The following SLC14A2 variants were observed in gnomAD, a reference collection of about 807,000 sequenced individuals.
The protein encoded by SLC14A2 is urea transporter 2.
SLC14A2 carries 91 observed loss-of-function variants against 104.6 expected under a neutral mutation model. That is an observed-to-expected ratio of 0.87 (90% confidence interval 0.73 to 1.04). The LOEUF is 1.04. Ranked by LOEUF, SLC14A2 falls within the 50% of genes least tolerant of loss-of-function variation. The pLI, the probability that SLC14A2 is intolerant of heterozygous loss-of-function variation, is 0.00. For synonymous variants in SLC14A2, 476 were observed against 466.4 expected, an observed-to-expected ratio of 1.02 and a Z score of -0.27; for missense variants, 1,189 against 1,156.0, an observed-to-expected ratio of 1.03 and a Z score of -0.41.
chr18:45,580,967 G>A (rs1234024745), intron 2 of SLC14A2, among the ~76,000 whole-genome samples: 1 of 151,714 alleles, frequency 6.6e-6, no homozygotes, highest in Non-Finnish European at 1.5e-5. Flanking sequence ...GAGGCAGGAG[G>A]CACAGTTGTT....
At chr18:45,175,697 C>CCCGTCTCATATTGTGGAATATTGTGGAAT in the SLC14A2 span, among the ~76,000 whole-genome samples, 1 of 152,132 alleles carries the variant, frequency 6.6e-6, no homozygotes, top group Non-Finnish European at 1.5e-5. Context: ...CGGGTTACAA[C>CCCGTCTCATATTGTGGAATATTGTGGAAT]ATTGTGGAAT....
At chr18:45,489,936 G>A (rs2144724871) in intron 2 of SLC14A2, 1 of 152,302 alleles carries the variant, frequency 6.6e-6, no homozygotes, top group South Asian at 2.1e-4. Context: ...AGGCAAAGCA[G>A]ACCTGACAGG....
intron 1 of SLC14A2, among the ~76,000 whole-genome samples, chr18:45,439,107 A>T (rs1321018583): frequency 6.6e-6 from 1 of 152,228 alleles, no homozygotes; most frequent in Non-Finnish European, 1.5e-5. Context: ...CAATATGGCC[A>T]GGTGCCATCT....
intron 2 of SLC14A2, among the ~76,000 whole-genome samples, chr18:45,488,449 G>T (rs1176624456): frequency 6.6e-6 from 1 of 152,162 alleles, no homozygotes; most frequent in Non-Finnish European, 1.5e-5. Context: ...GGTACTGGTG[G>T]TCAAAAGAGT....
intron 1 of SLC14A2, among the ~76,000 whole-genome samples, chr18:45,225,385 G>A (rs12150823): frequency 0.11 from 17,164 of 152,078 alleles, 978 homozygotes; most frequent in Non-Finnish European, 0.12. Context: ...TGCTGTTTTG[G>A]TTACTGTAGC....
chr18:45,320,843 C>A (rs1599672431), intron 1 of SLC14A2, among the ~76,000 whole-genome samples: 1 of 152,218 alleles, frequency 6.6e-6, no homozygotes, highest in East Asian at 1.9e-4. Flanking sequence ...AACACCCACT[C>A]CTTTTCCAGA....
chr18:45,666,101 GT>G, intron 11 of SLC14A2, 35 bp from the exon 12 acceptor site: 1 of 1,467,680 alleles, frequency 6.8e-7, no homozygotes, highest in Non-Finnish European at 9.6e-7. Flanking sequence ...GAGTAGAGGT[GT>G]CCTAACTGAT....
chr18:45,438,034 A>C (rs1461469486), intron 1 of SLC14A2: 1 of 152,190 alleles, frequency 6.6e-6, no homozygotes, highest in Non-Finnish European at 1.5e-5. Context: ...CTTACTATAT[A>C]TGAGGGTCTG....
At chr18:45,350,210 T>C (rs780839042) in intron 1 of SLC14A2, among the ~76,000 whole-genome samples, 3 of 152,166 alleles carry the variant, frequency 2.0e-5, no homozygotes, top group Non-Finnish European at 4.4e-5. Flanking sequence ...GAGAAACAGA[T>C]TTAGAGTGTT....
At chr18:45,645,845 T>G (rs569548518) in intron 10 of SLC14A2, among the ~76,000 whole-genome samples, 42 of 152,096 alleles carry the variant, frequency 2.8e-4, no homozygotes, top group Non-Finnish European at 5.9e-4. Context: ...GTCCACAAGC[T>G]GTATTTTGCA....
At chr18:45,577,202 A>C (rs2044428943) in intron 2 of SLC14A2, among the ~76,000 whole-genome samples, 1 of 110,592 alleles carries the variant, frequency 9.0e-6, no homozygotes, top group Non-Finnish European at 2.0e-5. Flanking sequence ...TCAGACATCA[A>C]AGCATCAAAA....
At chr18:45,481,971 T>C (rs2087502211) in intron 1 of SLC14A2, among the ~76,000 whole-genome samples, 1 of 152,158 alleles carries the variant, frequency 6.6e-6, no homozygotes, top group Non-Finnish European at 1.5e-5. Context: ...GTTTGGGGCT[T>C]TGGTTTCGGT....
chr18:45,345,523 C>T (rs1349567726), intron 1 of SLC14A2, among the ~76,000 whole-genome samples: 2 of 152,064 alleles, frequency 1.3e-5, no homozygotes, highest in African/African-American at 4.8e-5. Context: ...TGTTTATTAC[C>T]CTGATCTTTT....
At chr18:45,561,640 A>T (rs990986595) in intron 2 of SLC14A2, among the ~76,000 whole-genome samples, 3 of 152,200 alleles carry the variant, frequency 2.0e-5, no homozygotes, top group African/African-American at 7.2e-5. Flanking sequence ...AAAATGAAAA[A>T]TATTCAGAAG....
At chr18:45,444,067 G>A (rs2086725638) in intron 1 of SLC14A2, among the ~76,000 whole-genome samples, 1 of 152,196 alleles carries the variant, frequency 6.6e-6, no homozygotes, top group South Asian at 2.1e-4. Context: ...CATTACCAAT[G>A]CTGCAAATTT....
At chr18:45,210,347 C>G (rs1188382723), upstream of SLC14A2, among the ~76,000 whole-genome samples, 4 of 152,132 alleles carry the variant, frequency 2.6e-5, no homozygotes, top group Admixed American at 6.5e-5. Context: ...AATCCCAGCA[C>G]TTTGGGAGGA....
chr18:45,432,743 G>T (rs1298540987), intron 1 of SLC14A2, among the ~76,000 whole-genome samples: 1 of 152,140 alleles, frequency 6.6e-6, no homozygotes, highest in Non-Finnish European at 1.5e-5. Flanking sequence ...TCTTGTGGAT[G>T]CCAGGATAGT....
intron 1 of SLC14A2, among the ~76,000 whole-genome samples, chr18:45,304,945 G>A (rs2085003361): frequency 6.6e-6 from 1 of 152,232 alleles, no homozygotes; most frequent in Non-Finnish European, 1.5e-5. Flanking sequence ...CTTTGTTAGA[G>A]AATACATACA....
At chr18:45,213,205 C>T (rs2083976832) in intron 1 of SLC14A2, 1 of 152,144 alleles carries the variant, frequency 6.6e-6, no homozygotes, top group South Asian at 2.1e-4. Flanking sequence ...AGTTGCCCTG[C>T]ATCATTTATA....
Sources: allele counts gnomAD v4.1 joint callset (sites outside exome capture counted in the v4.1 genomes callset), GRCh38; gene constraint gnomAD v4.1.1; transcripts MANE v1.5; gene names NCBI Gene and HGNC (gene_info 2026-07-23, HGNC 2026-07-21).